ASAP1: variants seen among roughly 807,000 people sequenced by gnomAD.
The protein encoded by ASAP1 is ArfGAP with SH3 domain, ankyrin repeat and PH domain 1.
In ASAP1, 43 loss-of-function variants were observed where a neutral mutation model predicts 145.2. That is an observed-to-expected ratio of 0.30 (90% CI 0.23 to 0.38). The LOEUF (loss-of-function observed/expected upper bound fraction) is 0.38, where lower values mean the gene tolerates loss of function less well. ASAP1 is among the 10% of genes least tolerant of loss of function. ASAP1 has a pLI of 1.00. For synonymous variants in ASAP1, 546 were observed against 515.5 expected (o/e 1.06, Z -0.80); for missense variants, 1,018 against 1,355.3 (o/e 0.75, Z 3.91).
chr8:130,206,725 A>C (rs1816250606), intron 5 of ASAP1, among the ~76,000 whole-genome samples: 1 of 151,850 alleles, frequency 6.6e-6, no homozygotes, highest in Admixed American at 6.6e-5. Context: ...ATTTATATAC[A>C]TTTTCTAAAA....
At chr8:130,198,881 C>G (rs932943378) in intron 5 of ASAP1, among the ~76,000 whole-genome samples, 2 of 152,208 alleles carry the variant, frequency 1.3e-5, no homozygotes, top group Non-Finnish European at 2.9e-5. Flanking sequence ...CTGAACTACA[C>G]TCATATCCAA....
chr8:130,223,730 C>T (rs1490567757), intron 4 of ASAP1, among the ~76,000 whole-genome samples: 1 of 152,026 alleles, frequency 6.6e-6, no homozygotes, highest in Non-Finnish European at 1.5e-5. Flanking sequence ...TAAGTACCAT[C>T]CCACACTCCA....
chr8:130,187,637 T>G (rs111853071), intron 6 of ASAP1, among the ~76,000 whole-genome samples: 4,027 of 152,270 alleles, frequency 0.026, 64 homozygotes, highest in Middle Eastern at 0.044. Context: ...CAGGCTGGTC[T>G]TGAACTCCTG....
intron 23 of ASAP1, 22 bp downstream of exon 23, chr8:130,115,606 C>A (rs577418517): frequency 6.4e-7 from 1 of 1,570,874 alleles, no homozygotes; most frequent in South Asian, 1.1e-5. Flanking sequence ...GTTGAGAATT[C>A]GAGGACATAA....
At chr8:130,386,904 G>A (rs1255271085) in intron 2 of ASAP1, 1 of 152,188 alleles carries the variant, frequency 6.6e-6, no homozygotes, top group African/African-American at 2.4e-5. Context: ...TGTTGCCGTG[G>A]TTACCAACGC....
In ASAP1 at chr8:130,358,692, C is replaced by G. The variant is rs1447472883; in HGVS notation, c.60-549G>C. Reference sequence around the variant, plus strand: ...GTGCTCTGCGCACGCGCGCCGCCCCCAGCCCCGCCCCCCCGGTCCCTCCCC... The same window carrying G: ...GTGCTCTGCGCACGCGCGCCGCCCCGAGCCCCGCCCCCCCGGTCCCTCCCC... On this transcript the variant is annotated intron_variant, in intron 2 of 29. Coordinates refer to ENST00000518721, the MANE Select transcript of ASAP1 (RefSeq NM_018482.4). This position sits in a 1 kb window ranked among gnomAD's most constrained non-coding sequence, Gnocchi z 4.1. Among the ~76,000 whole-genome samples the G allele has an allele frequency of 5.0e-5, 7 of 140,462 alleles. No individual in the cohort carries two copies. Among genetic ancestry groups the G allele is most frequent in the Admixed American group, 4.9e-4 (7 of 14,378 alleles). The allele number at this position is 140,462 out of a possible 152,430, so 92.1% of individuals were successfully genotyped here. A position where few individuals can be genotyped will look rare whatever the true frequency, so the allele number is the denominator to read the frequency against.
intron 1 of ASAP1, among the ~76,000 whole-genome samples, chr8:130,406,684 T>C (rs1051334171): frequency 4.6e-5 from 7 of 152,092 alleles, no homozygotes; most frequent in African/African-American, 9.7e-5. Flanking sequence ...GGTTTCATCA[T>C]GTTGACCAGG....
chr8:130,335,408 C>G (rs1350628593), intron 3 of ASAP1, among the ~76,000 whole-genome samples: 3 of 152,242 alleles, frequency 2.0e-5, no homozygotes, highest in Middle Eastern at 3.4e-3. Flanking sequence ...AGTAAACTGA[C>G]AAATAGTGAG....
chr8:130,285,009 C>T (rs1190639054), intron 3 of ASAP1, among the ~76,000 whole-genome samples: 3 of 152,080 alleles, frequency 2.0e-5, no homozygotes, highest in Admixed American at 2.0e-4. Flanking sequence ...CATCCACACC[C>T]TATTTAAGAC....
chr8:130,301,108 C>G (rs986149106), intron 3 of ASAP1, among the ~76,000 whole-genome samples: 1 of 152,056 alleles, frequency 6.6e-6, no homozygotes, highest in African/African-American at 2.4e-5. Flanking sequence ...TGTATGGGGA[C>G]CCAGCATAAG....
chr8:130,079,754 T>C, intron 26 of ASAP1, 148 bp downstream of exon 26: 1 of 747,658 alleles, frequency 1.3e-6, no homozygotes, highest in South Asian at 1.7e-5. Context: ...AAACCAAGAG[T>C]GAACGTCTGG....
Position 130,112,179 on chromosome 8 carries a change from G to C in ASAP1, c.2316C>G (p.Asn772Lys). The change falls in exon 24 of 30, where the codon AAC (asparagine) becomes AAG (lysine). Residue 772 changes from asparagine (N) to lysine (K), a missense_variant. Coordinates refer to ENST00000518721, the MANE Select transcript of ASAP1 (RefSeq NM_018482.4). ...CTGTGCTTGTGGAAACGAAGATCTGGTTGGTGAAGGCTCCATAGGAGAGCC... is the reference window on the plus strand; with the variant it reads ...CTGTGCTTGTGGAAACGAAGATCTGCTTGGTGAAGGCTCCATAGGAGAGCC... The part of the protein sequence containing the change: ...KQRLSYGAFT[N>K]QIFVSTSTDS... 6.2e-7 allele frequency: 1 copy of C among 1,614,150 alleles called. No homozygotes were observed. The highest frequency in any genetic ancestry group is 1.3e-5 in the African/African-American group (1 of 75,040).
chr8:130,097,075 G>A (rs559921668), intron 24 of ASAP1, among the ~76,000 whole-genome samples: 111 of 127,518 alleles, frequency 8.7e-4, no homozygotes, highest in African/African-American at 3.1e-3. Flanking sequence ...GCAGTGAGCC[G>A]AGATCATGCC....
At position 130,150,454 on chromosome 8, in the gene ASAP1, T is replaced by C. The variant is rs1489730084; in HGVS notation, c.1080+2282A>G. Among the ~76,000 whole-genome samples the C allele has an allele frequency of 2.0e-5, 3 of 152,206 alleles. No homozygotes were observed. The East Asian group carries it at 5.8e-4, about 29-fold the overall frequency. Reference sequence around the variant, plus strand: ...TGCACTGCCTTCCACAGCAGATTCCTAAGAAAAGCAAATAGATACAACATG... The same window carrying C: ...TGCACTGCCTTCCACAGCAGATTCCCAAGAAAAGCAAATAGATACAACATG... On this transcript the variant is annotated intron_variant, in intron 13 of 29. Coordinates refer to ENST00000518721, the MANE Select transcript of ASAP1 (RefSeq NM_018482.4).
chr8:130,070,530 C>G (rs2097440866), intron 27 of ASAP1, among the ~76,000 whole-genome samples: 1 of 152,102 alleles, frequency 6.6e-6, no homozygotes, highest in East Asian at 1.9e-4. Flanking sequence ...ACTTGATAAC[C>G]CCCTGTGGAG....
chr8:130,244,222 G>A (rs187955137), intron 3 of ASAP1, among the ~76,000 whole-genome samples: 1 of 152,278 alleles, frequency 6.6e-6, no homozygotes, highest in Admixed American at 6.5e-5. Context: ...GAAGGTGAAA[G>A]AATGAATATC....
intron 2 of ASAP1, among the ~76,000 whole-genome samples, chr8:130,363,233 TATG>T (rs754400096): frequency 2.6e-5 from 4 of 152,208 alleles, no homozygotes; most frequent in Non-Finnish European, 5.9e-5. Flanking sequence ...AGATATAACT[TATG>T]ATATTCTTGC....
intron 4 of ASAP1, among the ~76,000 whole-genome samples, chr8:130,219,654 A>G (rs1288838190): frequency 6.6e-6 from 1 of 152,198 alleles, no homozygotes; most frequent in African/African-American, 2.4e-5. Flanking sequence ...AGTTAGGGTA[A>G]GTAGGTGAGA....
chr8:130,168,463 A>G (rs1053582611), intron 10 of ASAP1, among the ~76,000 whole-genome samples: 7 of 152,300 alleles, frequency 4.6e-5, no homozygotes, highest in African/African-American at 1.7e-4. Flanking sequence ...TGGGCAACAC[A>G]GTGAAACCCC....
Sources: gnomAD v4.1 joint callset for allele counts (sites outside exome capture counted in the v4.1 genomes callset) on GRCh38, gnomAD v4.1.1 for gene constraint, Gnocchi (gnomAD v3.1) non-coding constraint, MANE v1.5 for transcripts, NCBI Gene and HGNC (gene_info 2026-07-23, HGNC 2026-07-21) for gene names.